LARGE1: variants seen among roughly 807,000 people sequenced by gnomAD.
LARGE1 encodes the protein LARGE xylosyl- and glucuronyltransferase 1.
A neutral mutation model predicts 87.6 loss-of-function variants in LARGE1; 43 were observed. The observed-to-expected ratio is 0.49, with a 90% confidence interval of 0.38 to 0.63. The LOEUF (loss-of-function observed/expected upper bound fraction) is 0.63, where lower values mean the gene tolerates loss of function less well. Ranked by LOEUF, LARGE1 falls within the 30% of genes least tolerant of loss-of-function variation. LARGE1 has a pLI of 0.00. For synonymous variants in LARGE1, 434 were observed against 394.6 expected (o/e 1.10, Z -1.18); for missense variants, 802 against 1,000.2 (o/e 0.80, Z 2.67).
chr22:33,632,492 T>C (rs1439716711), intron 3 of LARGE1, among the ~76,000 whole-genome samples: 1 of 152,078 alleles, frequency 6.6e-6, no homozygotes, highest in African/African-American at 2.4e-5. Context: ...AGTTTGGTCA[T>C]TGGGAGGCAC....
At chr22:33,574,355 C>T (rs1156693847) in intron 5 of LARGE1, among the ~76,000 whole-genome samples, 4 of 152,108 alleles carry the variant, frequency 2.6e-5, no homozygotes, top group African/African-American at 4.8e-5. Context: ...ACTTATAACA[C>T]CTAATAAAAT....
At chr22:33,093,110 C>G in the LARGE1 span, among the ~76,000 whole-genome samples, 5 of 152,276 alleles carry the variant, frequency 3.3e-5, no homozygotes, top group African/African-American at 9.6e-5. Flanking sequence ...TATTTTCACC[C>G]AGGAGAGTGA....
intron 11 of LARGE1, among the ~76,000 whole-genome samples, chr22:33,202,881 A>G (rs1924467993): frequency 6.6e-6 from 1 of 152,230 alleles, no homozygotes; most frequent in African/African-American, 2.4e-5. Context: ...GTTAGCATGG[A>G]TGGAAGGGAA....
At chr22:33,289,794 T>C (rs1009047196) in intron 12 of LARGE1, among the ~76,000 whole-genome samples, 3 of 152,162 alleles carry the variant, frequency 2.0e-5, no homozygotes, top group Admixed American at 6.6e-5. Flanking sequence ...AACTGTGAAT[T>C]TGATAAAGGT....
chr22:33,572,252 A>G, intron 5 of LARGE1: 1 of 1,264,744 alleles, frequency 7.9e-7, no homozygotes, highest in Non-Finnish European at 1.0e-6. Context: ...TTTGCCTTTC[A>G]TGTTGTTTCT....
chr22:33,304,142 A>G, intron 12 of LARGE1, 87 bp downstream of exon 12: 1 of 1,465,862 alleles, frequency 6.8e-7, no homozygotes, highest in South Asian at 1.2e-5. Context: ...GTTGGACTAG[A>G]TGATGACCCT....
the LARGE1 span, among the ~76,000 whole-genome samples, chr22:33,120,358 T>TTCTCTTTCTTTCTTTCTTTC: frequency 8.4e-6 from 1 of 118,686 alleles, no homozygotes; most frequent in East Asian, 2.4e-4. Context: ...TTTTCTTTCT[T>TTCTCTTTCTTTCTTTCTTTC]TTTCTTTCTT....
At chr22:33,071,085 C>T in the LARGE1 span, among the ~76,000 whole-genome samples, 11 of 152,300 alleles carry the variant, frequency 7.2e-5, no homozygotes, top group African/African-American at 2.6e-4. Context: ...ACCTCCTACC[C>T]TTTTGGAGAT....
chr22:33,117,086 T>A, the LARGE1 span, among the ~76,000 whole-genome samples: 1 of 152,234 alleles, frequency 6.6e-6, no homozygotes, highest in Non-Finnish European at 1.5e-5. Context: ...GAGTCTCATG[T>A]CTACTGAAGT....
chr22:33,699,572 C>T (rs557612647), intron 2 of LARGE1, among the ~76,000 whole-genome samples: 1 of 152,190 alleles, frequency 6.6e-6, no homozygotes, highest in Non-Finnish European at 1.5e-5. Context: ...GGAGATGACA[C>T]TGAGTTGAAA....
At chr22:33,819,866 C>T (rs984648900) in intron 1 of LARGE1, among the ~76,000 whole-genome samples, 1 of 152,200 alleles carries the variant, frequency 6.6e-6, no homozygotes, top group Non-Finnish European at 1.5e-5. Context: ...TGAGACACTT[C>T]CTAGCCTCTA....
At position 33,746,169 on chromosome 22, in the gene LARGE1, G is replaced by A. The variant is rs2084076623; in HGVS notation, c.106+15202C>T. Among the ~76,000 whole-genome samples the A allele has an allele frequency of 3.3e-5, 5 of 152,142 alleles. No individual in the cohort carries two copies. In the South Asian group the frequency reaches 1.0e-3, roughly 32 times the overall value. The stretch of plus-strand genomic sequence containing the variant: ...AGGTAGGAGAATGGCGTGAACCCGG[G>A]AGGCAGAGCTTGCAGTGAGCAGAGA... On this transcript the variant is annotated intron_variant, in intron 2 of 14. Coordinates refer to ENST00000397394, the MANE Select transcript of LARGE1 (RefSeq NM_133642.5).
chr22:33,458,367 G>A (rs761872154), intron 6 of LARGE1, among the ~76,000 whole-genome samples: 1 of 151,990 alleles, frequency 6.6e-6, no homozygotes, highest in Non-Finnish European at 1.5e-5. Flanking sequence ...GCCTCCCAAA[G>A]TGCTGGGATT....
chr22:33,090,114 G>A, the LARGE1 span, among the ~76,000 whole-genome samples: 1 of 152,112 alleles, frequency 6.6e-6, no homozygotes, highest in Non-Finnish European at 1.5e-5. Context: ...GCTGAGACAG[G>A]GAATTGCTTG....
At chr22:33,482,627 T>C (rs1167638318) in intron 6 of LARGE1, among the ~76,000 whole-genome samples, 4 of 152,160 alleles carry the variant, frequency 2.6e-5, no homozygotes, top group Admixed American at 2.0e-4. Context: ...CAAACCATCA[T>C]GGCACGTTCT....
intron 9 of LARGE1, among the ~76,000 whole-genome samples, chr22:33,364,894 C>G (rs941824039): frequency 7.2e-5 from 11 of 151,986 alleles, no homozygotes; most frequent in Admixed American, 6.6e-4. Context: ...GGGGGTCTTA[C>G]TATGTTGCCT....
At position 33,541,502 on chromosome 22, in the gene LARGE1, C is replaced by A. The variant is rs114914816; in HGVS notation, c.787+23346G>T. On this transcript the variant is annotated intron_variant, in intron 6 of 14. Coordinates refer to ENST00000397394, the MANE Select transcript of LARGE1 (RefSeq NM_133642.5). ...TACACAATTGAGTTTCATTCTTTAC[C>A]TTTGTGCTGATACGGACATGCATTG... Among the ~76,000 whole-genome samples the A allele has an allele frequency of 6.1e-3, 923 of 152,188 alleles. 8 individuals are homozygous for A. The highest frequency in any genetic ancestry group is 0.021 in the African/African-American group (876 of 41,540).
chr22:33,876,849 A>T (rs1440860696), intron 1 of LARGE1, among the ~76,000 whole-genome samples: 3 of 151,782 alleles, frequency 2.0e-5, no homozygotes, highest in Non-Finnish European at 4.4e-5. Flanking sequence ...AATATAAAAT[A>T]AAAATGTACT....
intron 11 of LARGE1, among the ~76,000 whole-genome samples, chr22:33,248,200 T>A (rs186695719): frequency 6.6e-6 from 1 of 152,228 alleles, no homozygotes; most frequent in East Asian, 1.9e-4. Context: ...TTTTTTTTAT[T>A]TTTTTGAGAT....
Sources: allele counts gnomAD v4.1 joint callset (sites outside exome capture counted in the v4.1 genomes callset), GRCh38; gene constraint gnomAD v4.1.1; transcripts MANE v1.5; gene names NCBI Gene and HGNC (gene_info 2026-07-23, HGNC 2026-07-21).